Variants in MBD5 observed in about 807,000 individuals in gnomAD.
MBD5 encodes methyl-CpG-binding domain protein 5.
Under a neutral mutation model 117.3 loss-of-function variants are expected in MBD5, and 13 were observed. The ratio of observed to expected loss-of-function variants is 0.11; its 90% CI spans 0.07 to 0.18. MBD5 has a LOEUF of 0.18. MBD5 is among the 10% of genes least tolerant of loss of function. The probability of loss-of-function intolerance (pLI) is 1.00; values close to 1 mark genes in which losing one functional copy is unlikely to be tolerated. For missense variants in MBD5, 1,879 were observed against 2,093.8 expected (o/e 0.90, Z 2.00); for synonymous variants, 727 against 766.4 (o/e 0.95, Z 0.85).
intron 4 of MBD5, among the ~76,000 whole-genome samples, chr2:148,344,478 G>A (rs762376510): frequency 4.6e-5 from 7 of 151,624 alleles, no homozygotes; most frequent in South Asian, 2.1e-4. Context: ...TGTTTGTGTC[G>A]TCTGTGATTC....
chr2:148,089,684 A>G (rs2105220859), intron 1 of MBD5, among the ~76,000 whole-genome samples: 1 of 152,248 alleles, frequency 6.6e-6, no homozygotes, highest in Admixed American at 6.5e-5. Context: ...TCTGGGACAC[A>G]GGAAAAATGG....
At chr2:148,404,815 G>A (rs1368233848) in intron 4 of MBD5, among the ~76,000 whole-genome samples, 1 of 152,108 alleles carries the variant, frequency 6.6e-6, no homozygotes, top group African/African-American at 2.4e-5. Context: ...CTTGAAGCCA[G>A]AGTCATTACT....
rs560860908 is a variant in MBD5 at position 148,475,995 on chromosome 2, T to G, written c.2518+5534T>G. ...CTACTTGCAAATTCAAAGTAACAAC[T>G]CACCTTTTTACAGATTAAAAGTGGA... On this transcript the variant is annotated intron_variant, in intron 8 of 13. Coordinates refer to ENST00000642680, the MANE Select transcript of MBD5 (RefSeq NM_001378120.1). 2.6e-5 allele frequency among the ~76,000 whole-genome samples: 4 copies of G among 152,300 alleles called. No individual in the cohort carries two copies. In the East Asian group the frequency reaches 7.7e-4, roughly 29 times the overall value.
chr2:148,413,094 T>C (rs7606599), intron 4 of MBD5, among the ~76,000 whole-genome samples: 28 of 152,212 alleles, frequency 1.8e-4, no homozygotes, highest in African/African-American at 6.7e-4. Flanking sequence ...AGCTGTGCCT[T>C]TGTCATAGAT....
intron 4 of MBD5, among the ~76,000 whole-genome samples, chr2:148,359,650 AT>A (rs1036814259): frequency 1.3e-5 from 2 of 152,190 alleles, no homozygotes; most frequent in Admixed American, 6.5e-5. Context: ...CATTAAAAAA[AT>A]ACATTGTTTA....
intron 3 of MBD5, among the ~76,000 whole-genome samples, chr2:148,256,104 G>T (rs1480895499): frequency 6.6e-6 from 1 of 152,210 alleles, no homozygotes; most frequent in African/African-American, 2.4e-5. Context: ...TTTGCCACCT[G>T]GTCAAGGGCA....
At chr2:148,349,929 A>G (rs980882226) in intron 4 of MBD5, among the ~76,000 whole-genome samples, 2 of 152,018 alleles carry the variant, frequency 1.3e-5, no homozygotes, top group Non-Finnish European at 2.9e-5. Context: ...TAAACCCAGA[A>G]CAGTAAAAAT....
At chr2:148,053,488 C>G (rs1694775645) in intron 1 of MBD5, among the ~76,000 whole-genome samples, 1 of 151,916 alleles carries the variant, frequency 6.6e-6, no homozygotes, top group African/African-American at 2.4e-5. Flanking sequence ...CTCTCTTATC[C>G]TATCTGCTTG....
chr2:148,114,286 G>A (rs1480443520), intron 1 of MBD5, among the ~76,000 whole-genome samples: 1 of 152,016 alleles, frequency 6.6e-6, no homozygotes, highest in Non-Finnish European at 1.5e-5. Context: ...CCTGGCCAAC[G>A]TGGTGAAAGT....
intron 3 of MBD5, among the ~76,000 whole-genome samples, chr2:148,253,601 G>T (rs1700515658): frequency 6.6e-6 from 1 of 152,122 alleles, no homozygotes; most frequent in Non-Finnish European, 1.5e-5. Flanking sequence ...ATTCTATACT[G>T]TAGTCTATTA....
chr2:148,210,931 A>T (rs1574141175), intron 2 of MBD5, among the ~76,000 whole-genome samples: 1 of 152,074 alleles, frequency 6.6e-6, no homozygotes, highest in East Asian at 1.9e-4. Flanking sequence ...ATAAGAGAAG[A>T]TTATGTGATT....
chr2:148,456,444 G>C (rs915525284), intron 4 of MBD5, among the ~76,000 whole-genome samples: 3 of 152,062 alleles, frequency 2.0e-5, no homozygotes, highest in South Asian at 4.1e-4. Flanking sequence ...ACGGATTTGG[G>C]GGGGACACAG....
intron 1 of MBD5, among the ~76,000 whole-genome samples, chr2:148,158,854 G>A (rs2105729828): frequency 6.6e-6 from 1 of 152,320 alleles, no homozygotes; most frequent in Middle Eastern, 3.4e-3. Flanking sequence ...AGAGTACCTG[G>A]CGCTACAGGC....
At chr2:148,247,550 A>G (rs1339226691) in intron 3 of MBD5, among the ~76,000 whole-genome samples, 1 of 152,160 alleles carries the variant, frequency 6.6e-6, no homozygotes, top group Non-Finnish European at 1.5e-5. Flanking sequence ...CTACCTAGGG[A>G]CATTCTAAAT....
rs1574051503 is a variant in MBD5 at position 148,135,616 on chromosome 2, C to T, written c.-924-43084C>T. 2.0e-5 allele frequency among the ~76,000 whole-genome samples: 3 copies of T among 152,072 alleles called. No individual in the cohort carries two copies. In the East Asian group the frequency reaches 5.8e-4, roughly 29 times the overall value. The stretch of plus-strand genomic sequence containing the variant: ...TTTTTCTGTCTTTGATTTGTGTACC[C>T]TTGAATACATTATTATTTCCCTTTG... On this transcript the variant is annotated intron_variant, in intron 1 of 13. Transcript: ENST00000642680.
chr2:148,090,164 TAAC>T (rs748742784), intron 1 of MBD5, among the ~76,000 whole-genome samples: 2 of 150,848 alleles, frequency 1.3e-5, no homozygotes, highest in African/African-American at 2.4e-5. Flanking sequence ...AACAGAAAAA[TAAC>T]AACTAGCGAG....
chr2:148,487,240 G>A (rs1681366795), intron 10 of MBD5, among the ~76,000 whole-genome samples: 1 of 152,144 alleles, frequency 6.6e-6, no homozygotes, highest in African/African-American at 2.4e-5. Flanking sequence ...ACCCAGAAAA[G>A]GGGAACATCT....
chr2:148,143,274 A>G (rs1220474047), intron 1 of MBD5, among the ~76,000 whole-genome samples: 1 of 152,186 alleles, frequency 6.6e-6, no homozygotes, highest in African/African-American at 2.4e-5. Flanking sequence ...TGTATTGACT[A>G]TGTTAAGTGA....
At chr2:148,436,033 T>C (rs1239964515) in intron 4 of MBD5, among the ~76,000 whole-genome samples, 1 of 152,218 alleles carries the variant, frequency 6.6e-6, no homozygotes. Context: ...ACAGATGTTA[T>C]CAGAAAATAG....
Sources: gnomAD v4.1 joint callset for allele counts (sites outside exome capture counted in the v4.1 genomes callset) on GRCh38, gnomAD v4.1.1 for gene constraint, MANE v1.5 for transcripts, NCBI Gene and HGNC (gene_info 2026-07-23, HGNC 2026-07-21) for gene names.